HIVEP1: variants seen among roughly 807,000 people sequenced by gnomAD.
HIVEP1 encodes the protein HIVEP zinc finger 1.
A neutral mutation model predicts 180.0 loss-of-function variants in HIVEP1; 36 were observed. The ratio of observed to expected loss-of-function variants is 0.20; its 90% confidence interval spans 0.15 to 0.26. HIVEP1 has a LOEUF of 0.26. HIVEP1 is among the 10% of genes least tolerant of loss of function. The pLI is 1.00. For missense variants in HIVEP1, 3,143 were observed against 3,268.7 expected, an observed-to-expected ratio of 0.96 and a Z score of 0.94; for synonymous variants, 1,239 against 1,239.0, an observed-to-expected ratio of 1.00 and a Z score of 0.00.
chr6:12,187,526 GC>G, the HIVEP1 span, among the ~76,000 whole-genome samples: 1 of 151,848 alleles, frequency 6.6e-6, no homozygotes, highest in Admixed American at 6.6e-5. Flanking sequence ...GCAGCTTGTG[GC>G]CCTTGCTGGA....
At chr6:12,036,038 T>G (rs779832790) in intron 2 of HIVEP1, among the ~76,000 whole-genome samples, 1 of 152,202 alleles carries the variant, frequency 6.6e-6, no homozygotes, top group Non-Finnish European at 1.5e-5. Flanking sequence ...CAATTTTTAT[T>G]TACCCACGCA....
chr6:12,074,716 A>G (rs1772237674), intron 2 of HIVEP1, among the ~76,000 whole-genome samples: 1 of 151,018 alleles, frequency 6.6e-6, no homozygotes, highest in African/African-American at 2.4e-5. Flanking sequence ...TTTTTTTTAT[A>G]GAGATCTTTT....
At position 12,155,664 on chromosome 6, in the gene HIVEP1, G is replaced by A. The variant is rs1285137851; in HGVS notation, c.6488-5775G>A. On this transcript the variant is annotated intron_variant, in intron 7 of 8. Transcript: ENST00000379388. Reference sequence around the variant, plus strand: ...TTTCCTTATCCAGTCTATCATTGATGGGCATTCAGGTTGATTCCATGTCTT... The same window carrying A: ...TTTCCTTATCCAGTCTATCATTGATAGGCATTCAGGTTGATTCCATGTCTT... 2.0e-5 allele frequency among the ~76,000 whole-genome samples: 3 copies of A among 152,146 alleles called. No individual in the cohort carries two copies. In the East Asian group the frequency reaches 5.8e-4, roughly 29 times the overall value.
intron 7 of HIVEP1, among the ~76,000 whole-genome samples, chr6:12,152,427 A>G (rs989326351): frequency 1.3e-5 from 2 of 152,046 alleles, no homozygotes; most frequent in African/African-American, 4.8e-5. Flanking sequence ...GCAGAGGTTA[A>G]GGGGGACAGG....
intron 2 of HIVEP1, among the ~76,000 whole-genome samples, chr6:12,025,437 A>T (rs1768517004): frequency 1.3e-5 from 2 of 152,200 alleles, no homozygotes; most frequent in South Asian, 4.1e-4. Context: ...GGGAAAGAAT[A>T]GTTGTCTCAT....
In HIVEP1 at chr6:12,155,092, T is replaced by C. The variant is rs755683786; in HGVS notation, c.6488-6347T>C. ...TTTAGATTTATCCGAGAACCTTCTTTTCTAATGAAAGTTTTGAATACGATA... is the reference window on the plus strand; with the variant it reads ...TTTAGATTTATCCGAGAACCTTCTTCTCTAATGAAAGTTTTGAATACGATA... On this transcript the variant is annotated intron_variant, in intron 7 of 8. Coordinates refer to ENST00000379388, the MANE Select transcript of HIVEP1 (RefSeq NM_002114.4). Among the ~76,000 whole-genome samples, 4 of 152,228 alleles carry C rather than the reference T, an allele frequency of 2.6e-5. No individual in the cohort carries two copies. In the South Asian group the frequency reaches 8.3e-4, roughly 31 times the overall value.
At chr6:12,176,289 G>A in the HIVEP1 span, among the ~76,000 whole-genome samples, 1 of 144,516 alleles carries the variant, frequency 6.9e-6, no homozygotes, top group Non-Finnish European at 1.5e-5. Flanking sequence ...GCTGGAGTGT[G>A]ATGGCTGATC....
chr6:12,109,156 T>TG (rs1254880924), intron 3 of HIVEP1, among the ~76,000 whole-genome samples: 2 of 51,662 alleles, frequency 3.9e-5, no homozygotes, highest in African/African-American at 6.0e-5. Flanking sequence ...ATTTTTTAAA[T>TG]TTTTTTAAAT....
chr6:12,107,695 C>G (rs1051325776), intron 3 of HIVEP1, among the ~76,000 whole-genome samples: 3 of 152,080 alleles, frequency 2.0e-5, no homozygotes, highest in Non-Finnish European at 2.9e-5. Flanking sequence ...CAGTGTGGAC[C>G]CAAGAGTGAG....
chr6:12,011,146 C>G (rs1181704332), upstream of HIVEP1, among the ~76,000 whole-genome samples: 1 of 152,206 alleles, frequency 6.6e-6, no homozygotes, highest in Non-Finnish European at 1.5e-5. Flanking sequence ...TCCCCTTCCA[C>G]TCTCCAAACC....
downstream of HIVEP1, among the ~76,000 whole-genome samples, chr6:12,168,291 A>ATATATACATATACATATAT (rs1760802414): frequency 1.4e-5 from 1 of 72,366 alleles, no homozygotes; most frequent in Non-Finnish European, 2.9e-5. Context: ...TATTATATAC[A>ATATATACATATACATATAT]TATATACATA....
At position 12,071,368 on chromosome 6, in the gene HIVEP1, G is replaced by A. The variant is rs78379331; in HGVS notation, c.41-17816G>A. Among the ~76,000 whole-genome samples the A allele has an allele frequency of 4.1e-3, 631 of 152,170 alleles. 15 individuals are homozygous for A. Among genetic ancestry groups the A allele is most frequent in the East Asian group, 0.032 (164 of 5,178 alleles). The stretch of plus-strand genomic sequence containing the variant: ...CTGTGCCTTGTGAGAGACTCTGATC[G>A]CTCTCCTGATATACTAACTCTTCAC... On this transcript the variant is annotated intron_variant, in intron 2 of 8. Coordinates refer to ENST00000379388, the MANE Select transcript of HIVEP1 (RefSeq NM_002114.4).
At chr6:12,023,035 T>C (rs1466339006) in intron 2 of HIVEP1, among the ~76,000 whole-genome samples, 1 of 152,214 alleles carries the variant, frequency 6.6e-6, no homozygotes, top group African/African-American at 2.4e-5. Flanking sequence ...TTCTGTTTTA[T>C]TGTTGAACTC....
At chr6:12,183,885 A>C in the HIVEP1 span, among the ~76,000 whole-genome samples, 1 of 152,316 alleles carries the variant, frequency 6.6e-6, no homozygotes, top group South Asian at 2.1e-4. Context: ...TAGCTAACAA[A>C]AATAAATTTA....
intron 7 of HIVEP1, among the ~76,000 whole-genome samples, chr6:12,146,613 A>C (rs959122895): frequency 9.2e-5 from 14 of 152,078 alleles, no homozygotes; most frequent in Non-Finnish European, 1.9e-4. Flanking sequence ...TTGTTTATTA[A>C]TTTGTTATTT....
the HIVEP1 span, among the ~76,000 whole-genome samples, chr6:12,172,984 GC>G: frequency 2.6e-5 from 4 of 151,720 alleles, no homozygotes; most frequent in African/African-American, 9.7e-5. Context: ...CTTTTTCTTT[GC>G]CCTTTCTCAC....
At chr6:12,127,414 C>T (rs917190658) in intron 4 of HIVEP1, among the ~76,000 whole-genome samples, 1 of 152,050 alleles carries the variant, frequency 6.6e-6, no homozygotes, top group Non-Finnish European at 1.5e-5. Flanking sequence ...AAGTTAAGAC[C>T]TAATAGTTAG....
rs746294103 is a variant in HIVEP1 at position 12,121,173 on chromosome 6, A to G, written c.1378A>G (p.Ile460Val). 7 of 1,614,168 alleles carry G rather than the reference A, an allele frequency of 4.3e-6. No homozygotes were observed. The South Asian group carries it at 5.5e-5, about 13-fold the overall frequency. Residue 460 changes from isoleucine (I) to valine (V), a missense_variant, in exon 4 of 9, where the codon ATC (isoleucine) becomes GTC (valine). Ile to Val is a conservative substitution (Grantham distance 29). Transcript: ENST00000379388. This position sits in a 1 kb window ranked among gnomAD's most constrained non-coding sequence, Gnocchi z 5.3. ...YKHKKSHAHT[I>V]KLGLVLQPDA... ...GCACAAGAAATCCCACGCACATACTATCAAACTGGGTCTTGTCTTGCAACC... is the reference window on the plus strand; with the variant it reads ...GCACAAGAAATCCCACGCACATACTGTCAAACTGGGTCTTGTCTTGCAACC...
chr6:12,026,047 A>T (rs1768565219), intron 2 of HIVEP1, among the ~76,000 whole-genome samples: 1 of 152,108 alleles, frequency 6.6e-6, no homozygotes, highest in Admixed American at 6.5e-5. Flanking sequence ...TATCAAAAAA[A>T]AAAAAAAGAA....
Sources: gnomAD v4.1 joint callset for allele counts (sites outside exome capture counted in the v4.1 genomes callset) on GRCh38, gnomAD v4.1.1 for gene constraint, Gnocchi (gnomAD v3.1) non-coding constraint, MANE v1.5 for transcripts, NCBI Gene and HGNC (gene_info 2026-07-23, HGNC 2026-07-21) for gene names.